SLC7A2: variants seen among roughly 807,000 people sequenced by gnomAD.
The protein encoded by SLC7A2 is solute carrier family 7 member 2.
Under a neutral mutation model 58.9 loss-of-function variants are expected in SLC7A2, and 48 were observed. The ratio of observed to expected loss-of-function variants is 0.82; its 90% CI spans 0.65 to 1.04. The LOEUF (loss-of-function observed/expected upper bound fraction) is 1.04. Ranked by LOEUF, SLC7A2 falls within the 50% of genes least tolerant of loss-of-function variation. The pLI is 0.00. For missense variants in SLC7A2, 1,029 were observed against 818.8 expected, an observed-to-expected ratio of 1.26 and a Z score of -3.13; for synonymous variants, 363 against 314.5, an observed-to-expected ratio of 1.15 and a Z score of -1.63.
chr8:17,569,392 T>A lies in SLC7A2; in HGVS notation c.*4246T>A, dbSNP rs910944931. The A allele has an allele frequency of 6.6e-6, 1 of 152,192 alleles. No individual in the cohort carries two copies. The highest frequency in any genetic ancestry group is 1.5e-5 in the Non-Finnish European group (1 of 68,024). 9.4% of individuals were successfully genotyped at this position (152,192 alleles called of 1,614,324 possible). Reference sequence around the variant, plus strand: ...ACAGTGCCTTCTCTGCACACTTTACTTGTTTATAAAGTTCTCCCACATGTC... The same window carrying A: ...ACAGTGCCTTCTCTGCACACTTTACATGTTTATAAAGTTCTCCCACATGTC... On this transcript the variant is annotated 3_prime_UTR_variant, in exon 13 of 13. Coordinates refer to ENST00000494857, the MANE Select transcript of SLC7A2 (RefSeq NM_001370338.1).
At chr8:17,549,193 C>T (rs1802326716) in intron 5 of SLC7A2, among the ~76,000 whole-genome samples, 1 of 152,212 alleles carries the variant, frequency 6.6e-6, no homozygotes, top group South Asian at 2.1e-4. Flanking sequence ...GTCCCTGCCA[C>T]AACACATGGG....
At position 17,560,497 on chromosome 8, in the gene SLC7A2, T is replaced by G; in HGVS notation, c.1468T>G (p.Ser490Ala). ...FCPSLLPTQQ[S>A]ASLVSFLVGF... ...CCCCTCCCTTCTGCCAACACAGCAG[T>G]CAGCTTCTCTCGTGAGCTTTCTGGT... The change falls in exon 10 of 13, where the codon TCA becomes GCA. Residue 490 changes from serine to alanine, a missense_variant. Ser to Ala is a moderately conservative substitution (Grantham distance 99, BLOSUM62 1). Coordinates refer to ENST00000494857, the MANE Select transcript of SLC7A2 (RefSeq NM_001370338.1). 1 of 1,613,936 alleles carries G rather than the reference T, an allele frequency of 6.2e-7. No individual in the cohort carries two copies. Among genetic ancestry groups the G allele is most frequent in the Non-Finnish European group, 8.5e-7 (1 of 1,179,856 alleles).
At chr8:17,542,955 C>T (rs1472327494) in intron 2 of SLC7A2, among the ~76,000 whole-genome samples, 1 of 152,232 alleles carries the variant, frequency 6.6e-6, no homozygotes, top group South Asian at 2.1e-4. Flanking sequence ...GAGTGAGATC[C>T]TGTTTCCAAA....
chr8:17,501,268 C>G (rs1800150006), intron 1 of SLC7A2, among the ~76,000 whole-genome samples: 1 of 152,156 alleles, frequency 6.6e-6, no homozygotes, highest in African/African-American at 2.4e-5. Flanking sequence ...CCTGCCTCGG[C>G]TTTCCAAAGT....
intron 11 of SLC7A2, among the ~76,000 whole-genome samples, chr8:17,563,035 C>G (rs2705020): frequency 0.21 from 32,336 of 152,044 alleles, 3,624 homozygotes; most frequent in East Asian, 0.37. Flanking sequence ...CCTAGCTAGT[C>G]AGGAGGCTGA....
At chr8:17,537,541 G>C (rs1231296708) in intron 2 of SLC7A2, among the ~76,000 whole-genome samples, 1 of 152,140 alleles carries the variant, frequency 6.6e-6, no homozygotes, top group Non-Finnish European at 1.5e-5. Flanking sequence ...ATGTCTCTCT[G>C]GTCCAGTGAT....
At chr8:17,528,731 T>G (rs976908474) in intron 2 of SLC7A2, among the ~76,000 whole-genome samples, 1 of 152,090 alleles carries the variant, frequency 6.6e-6, no homozygotes, top group Non-Finnish European at 1.5e-5. Flanking sequence ...ATTAATATAT[T>G]TATATGAGGG....
chr8:17,538,688 C>A, intron 2 of SLC7A2: 2 of 944,104 alleles, frequency 2.1e-6, no homozygotes, highest in Admixed American at 3.0e-5. Context: ...TGGGTTTGGA[C>A]ATTGCAAAAT....
At chr8:17,537,636 G>A (rs1298719324) in intron 2 of SLC7A2, among the ~76,000 whole-genome samples, 2 of 152,128 alleles carry the variant, frequency 1.3e-5, no homozygotes, top group African/African-American at 4.8e-5. Context: ...AATTCTGGAA[G>A]GGGCCATTCC....
chr8:17,553,147 G>A (rs1802529521), intron 7 of SLC7A2, among the ~76,000 whole-genome samples: 2 of 152,102 alleles, frequency 1.3e-5, no homozygotes, highest in Admixed American at 6.6e-5. Context: ...CGAACTCCTG[G>A]GTTCAAGTGA....
At position 17,544,624 on chromosome 8, in the gene SLC7A2, G is replaced by T; in HGVS notation, c.532+18G>T. 1 of 1,610,942 alleles carries T rather than the reference G, an allele frequency of 6.2e-7. No homozygotes were observed. Reference sequence around the variant, plus strand: ...TCTAGCAGGTAAGAAAACCAGTTATGAGTCTCTGCAGAATGAGCCACACTA... The same window carrying T: ...TCTAGCAGGTAAGAAAACCAGTTATTAGTCTCTGCAGAATGAGCCACACTA... On this transcript the variant is annotated intron_variant, in intron 4 of 12. Transcript: ENST00000494857.
chr8:17,548,818 C>T lies in SLC7A2; in HGVS notation c.673C>T (p.Leu225Phe). The T allele has an allele frequency of 6.2e-7, 1 of 1,609,174 alleles. No individual in the cohort carries two copies. Among genetic ancestry groups the T allele is most frequent in the Non-Finnish European group, 8.5e-7 (1 of 1,178,954 alleles). ...AAACTGGAAGATTAGTGAAGAGTTT[C>T]TCAAAAATATATCAGCAAGTGCCAG... is the stretch of plus-strand genomic sequence containing the variant. Reference protein sequence around the residue: ...VANWKISEEFLKNISASAREP... With the variant: ...VANWKISEEFFKNISASAREP... Residue 225 changes from leucine to phenylalanine, a missense_variant, in exon 5 of 13, where the codon CTC becomes TTC. Coordinates refer to ENST00000494857, the MANE Select transcript of SLC7A2 (RefSeq NM_001370338.1).
chr8:17,536,951 G>C (rs1007551642), intron 2 of SLC7A2, among the ~76,000 whole-genome samples: 18 of 152,194 alleles, frequency 1.2e-4, no homozygotes, highest in Admixed American at 1.2e-3. Context: ...AGCAAGGCCT[G>C]GGGGGACAGA....
Position 17,510,323 on chromosome 8 carries a change from A to T in SLC7A2, c.-23+8021A>T, listed in dbSNP as rs1308947475. 2.6e-5 allele frequency among the ~76,000 whole-genome samples: 4 copies of T among 152,304 alleles called. No individual in the cohort carries two copies. The East Asian group carries it at 7.7e-4, about 29-fold the overall frequency. ...AAACGTCAAAATTGCCTAACTGATA[A>T]CATAAATGACAATACTTATGTATTT... On this transcript the variant is annotated intron_variant, in intron 2 of 12. Transcript: ENST00000494857.
chr8:17,544,425 C>G, intron 3 of SLC7A2, 26 bp from the exon 4 acceptor site: 1 of 1,604,006 alleles, frequency 6.2e-7, no homozygotes, highest in Non-Finnish European at 8.5e-7. Context: ...CCAGTGACTT[C>G]GTATTCTCTG....
At chr8:17,523,899 C>T (rs911425492) in intron 2 of SLC7A2, among the ~76,000 whole-genome samples, 2 of 146,588 alleles carry the variant, frequency 1.4e-5, no homozygotes, top group African/African-American at 5.1e-5. Context: ...CTACAAAGAA[C>T]TCAAACAAAT....
chr8:17,558,212 G>T (rs1802799175), intron 8 of SLC7A2, 83 bp from the exon 9 acceptor site: 1 of 823,924 alleles, frequency 1.2e-6, no homozygotes, highest in East Asian at 2.5e-5. Context: ...GTGGCAGTCA[G>T]ATGTCCCTGA....
At chr8:17,518,537 G>C (rs1800890689) in intron 2 of SLC7A2, among the ~76,000 whole-genome samples, 2 of 151,984 alleles carry the variant, frequency 1.3e-5, no homozygotes, top group Admixed American at 1.3e-4. Flanking sequence ...TTCATCATGG[G>C]AAATTCTGAG....
At chr8:17,539,362 A>G (rs955671510) in intron 2 of SLC7A2, among the ~76,000 whole-genome samples, 11 of 152,188 alleles carry the variant, frequency 7.2e-5, no homozygotes, top group African/African-American at 2.7e-4. Context: ...TCTCACATGT[A>G]TCATTAGGCT....
Sources: allele counts gnomAD v4.1 joint callset (sites outside exome capture counted in the v4.1 genomes callset), GRCh38; gene constraint gnomAD v4.1.1; transcripts MANE v1.5; gene names NCBI Gene and HGNC (gene_info 2026-07-23, HGNC 2026-07-21).